SUCO: variants seen among roughly 807,000 people sequenced by gnomAD.
SUCO encodes SUN domain containing ossification factor.
A neutral mutation model predicts 148.1 loss-of-function variants in SUCO; 57 were observed. That is an observed-to-expected ratio of 0.38 (90% CI 0.31 to 0.48). The LOEUF (loss-of-function observed/expected upper bound fraction) is 0.48, where lower values mean the gene tolerates loss of function less well. SUCO is among the 20% of genes least tolerant of loss of function. The probability of loss-of-function intolerance (pLI) is 0.96; values close to 1 mark genes in which losing one functional copy is unlikely to be tolerated. For synonymous variants in SUCO, 470 were observed against 502.7 expected (o/e 0.93, Z 0.87); for missense variants, 1,331 against 1,468.2 (o/e 0.91, Z 1.53).
chr1:172,543,830 T>C (rs1652670513), intron 1 of SUCO, among the ~76,000 whole-genome samples: 1 of 151,972 alleles, frequency 6.6e-6, no homozygotes, highest in Non-Finnish European at 1.5e-5. Context: ...CCCAGTATGC[T>C]CTTACCTATT....
chr1:172,532,404 A>G, upstream of SUCO: 1 of 1,234,390 alleles, frequency 8.1e-7, no homozygotes, highest in South Asian at 1.5e-5. Flanking sequence ...AAAGTGAGGA[A>G]CCCGGCAAGC....
intron 9 of SUCO, among the ~76,000 whole-genome samples, chr1:172,572,837 G>A (rs573009449): frequency 2.6e-4 from 40 of 151,456 alleles, no homozygotes; most frequent in African/African-American, 9.7e-4. Flanking sequence ...TGGAGCATTC[G>A]TTTATCTATA....
At chr1:172,547,924 G>C (rs1266420462) in intron 1 of SUCO, among the ~76,000 whole-genome samples, 1 of 152,012 alleles carries the variant, frequency 6.6e-6, no homozygotes, top group Non-Finnish European at 1.5e-5. Context: ...GAGAGAGGAA[G>C]GATGAGTGAG....
At position 172,602,802 on chromosome 1, in the gene SUCO, A is replaced by T; in HGVS notation, c.3265+15A>T. ...TGGCAAAGAAGGTAGATTTCTGTGG[A>T]TATATAATATGTATATATAAACATG... On this transcript the variant is annotated intron_variant, in intron 22 of 23. Transcript: ENST00000263688. 1 of 1,575,714 alleles carries T rather than the reference A, an allele frequency of 6.3e-7. No homozygotes were observed. The highest frequency in any genetic ancestry group is 8.7e-7 in the Non-Finnish European group (1 of 1,147,160).
At chr1:172,593,986 T>G (rs12735993) in intron 19 of SUCO, among the ~76,000 whole-genome samples, 2 of 152,256 alleles carry the variant, frequency 1.3e-5, no homozygotes, top group Admixed American at 6.5e-5. Flanking sequence ...ATTCAACTTC[T>G]TCCTGGTTTA....
chr1:172,556,141 C>A, intron 4 of SUCO, 118 bp downstream of exon 4: 1 of 693,716 alleles, frequency 1.4e-6, no homozygotes, highest in South Asian at 2.0e-5. Context: ...ATATAGCAGA[C>A]CTAAATTACA....
At chr1:172,608,041 G>A (rs1235251912) in intron 22 of SUCO, 1 of 979,170 alleles carries the variant, frequency 1.0e-6, no homozygotes, top group South Asian at 4.7e-5. Context: ...TGTCTATTTT[G>A]TCAGTGTGGG....
At chr1:172,601,984 G>T in intron 20 of SUCO, 80 bp from the exon 21 acceptor site, 4 of 1,342,526 alleles carry the variant, frequency 3.0e-6, no homozygotes, top group Non-Finnish European at 4.0e-6. Flanking sequence ...AAAATGATTT[G>T]TCCTTTGAAT....
Position 172,570,126 on chromosome 1 carries a change from A to T in SUCO, c.936A>T (p.Ser312=), listed in dbSNP as rs1654843656. 6.3e-7 allele frequency: 1 copy of T among 1,590,804 alleles called. No individual in the cohort carries two copies. Among genetic ancestry groups the T allele is most frequent in the African/African-American group, 1.3e-5 (1 of 74,446 alleles). The part of the protein sequence containing the change: ...KVQKNRNNYA[S]VECGAKILAA... ...AGAAAAATCGAAATAATTATGCCTC[A>T]GTAGAATGTGGTGCCAAAATTCTAG... The change falls in exon 8 of 24, where the codon TCA becomes TCT. Residue 312 remains serine, a synonymous_variant. Coordinates refer to ENST00000263688, the MANE Select transcript of SUCO (RefSeq NM_014283.5).
At chr1:172,571,304 G>T (rs1023121492) in intron 9 of SUCO, among the ~76,000 whole-genome samples, 1 of 152,202 alleles carries the variant, frequency 6.6e-6, no homozygotes, top group Non-Finnish European at 1.5e-5. Context: ...CGAGTGATCC[G>T]CCAGCCTCGG....
chr1:172,557,995 T>C (rs1332009683), intron 6 of SUCO, among the ~76,000 whole-genome samples: 2 of 152,234 alleles, frequency 1.3e-5, no homozygotes, highest in African/African-American at 4.8e-5. Flanking sequence ...CATAAAGTTG[T>C]TTCAAGTGTG....
intron 18 of SUCO, among the ~76,000 whole-genome samples, chr1:172,590,579 C>T (rs2149261605): frequency 6.6e-6 from 1 of 152,162 alleles, no homozygotes; most frequent in East Asian, 1.9e-4. Context: ...CACAAGTGTC[C>T]AGAGTTCCTG....
intron 1 of SUCO, among the ~76,000 whole-genome samples, chr1:172,547,278 A>G (rs1220551558): frequency 6.6e-6 from 1 of 152,120 alleles, no homozygotes; most frequent in East Asian, 1.9e-4. Context: ...ACTACAGTTT[A>G]TTTATTCTTC....
At chr1:172,585,203 T>C in intron 16 of SUCO, 117 bp downstream of exon 16, 1 of 900,576 alleles carries the variant, frequency 1.1e-6, no homozygotes, top group South Asian at 2.5e-5. Context: ...AATATAGAAA[T>C]AATTCAGAGG....
chr1:172,604,047 C>G (rs1247170105), intron 22 of SUCO, among the ~76,000 whole-genome samples: 6 of 151,830 alleles, frequency 4.0e-5, no homozygotes, highest in Non-Finnish European at 5.9e-5. Flanking sequence ...ATACAATTTT[C>G]CACACTGTTT....
intron 23 of SUCO, chr1:172,609,288 T>C (rs1376625903): frequency 3.0e-6 from 3 of 985,214 alleles, no homozygotes; most frequent in Non-Finnish European, 3.6e-6. Flanking sequence ...GTCTTTGCTT[T>C]TTCATTTTGC....
intron 19 of SUCO, among the ~76,000 whole-genome samples, chr1:172,594,076 G>A (rs1243785962): frequency 6.6e-6 from 1 of 152,138 alleles, no homozygotes; most frequent in Non-Finnish European, 1.5e-5. Flanking sequence ...GGTGTTTATA[G>A]TATTCTCTGA....
chr1:172,577,032 T>C, intron 11 of SUCO: 1 of 771,556 alleles, frequency 1.3e-6, no homozygotes, highest in Non-Finnish European at 1.6e-6. Flanking sequence ...AATTCATACT[T>C]TCCCCGAAAT....
intron 23 of SUCO, 172 bp from the exon 24 acceptor site, chr1:172,609,644 A>G (rs574087459): frequency 1.0e-6 from 1 of 984,848 alleles, no homozygotes; most frequent in East Asian, 1.1e-4. Flanking sequence ...AAATGGGAAG[A>G]TGATGCTAGT....
Sources: allele counts gnomAD v4.1 joint callset (sites outside exome capture counted in the v4.1 genomes callset), GRCh38; gene constraint gnomAD v4.1.1; transcripts MANE v1.5; gene names NCBI Gene and HGNC (gene_info 2026-07-23, HGNC 2026-07-21).